The following ISLR2 variants were observed in gnomAD, a reference collection of about 807,000 sequenced individuals.
ISLR2 encodes immunoglobulin superfamily containing leucine rich repeat 2.
In ISLR2, 16 loss-of-function variants were observed where a neutral mutation model predicts 25.5. The observed-to-expected ratio is 0.63, with a 90% CI of 0.43 to 0.95. The LOEUF (loss-of-function observed/expected upper bound fraction) is 0.95. Ranked by LOEUF, ISLR2 falls within the 40% of genes least tolerant of loss-of-function variation. The pLI is 0.00. For synonymous variants in ISLR2, 508 were observed against 486.6 expected, an observed-to-expected ratio of 1.04 and a Z score of -0.58; for missense variants, 883 against 1,030.7, an observed-to-expected ratio of 0.86 and a Z score of 1.96.
intron 1 of ISLR2, among the ~76,000 whole-genome samples, chr15:74,102,815 AT>A (rs929821498): frequency 4.5e-4 from 66 of 146,584 alleles, no homozygotes; most frequent in Middle Eastern, 3.6e-3. Context: ...TCCCAATAGG[AT>A]TTTTTTTTTT....
chr15:74,128,654 A>G (rs1284839913), upstream of ISLR2: 1 of 456,412 alleles, frequency 2.2e-6, no homozygotes, highest in East Asian at 7.0e-5. Flanking sequence ...AAGAAAGAAA[A>G]TAGGTAAAAA....
intron 2 of ISLR2, among the ~76,000 whole-genome samples, chr15:74,109,818 C>G (rs2072151880): frequency 6.6e-6 from 1 of 152,152 alleles, no homozygotes; most frequent in Non-Finnish European, 1.5e-5. Context: ...TTATTTAACG[C>G]AGGGTTTTGC....
At chr15:74,112,606 C>G (rs1212362010) in intron 2 of ISLR2, among the ~76,000 whole-genome samples, 2 of 151,446 alleles carry the variant, frequency 1.3e-5, no homozygotes, top group African/African-American at 4.9e-5. Flanking sequence ...CAGCTCGCTG[C>G]AACCTCCACC....
At chr15:74,128,659 TAA>T (rs1165951550), upstream of ISLR2, 1 of 456,226 alleles carries the variant, frequency 2.2e-6, no homozygotes, top group Non-Finnish European at 4.4e-6. Flanking sequence ...AGAAAATAGG[TAA>T]AAACCGGCGG....
rs550337585 is a variant in ISLR2, at chr15:74,136,255, C to T, written c.*1263C>T. On this transcript the variant is annotated 3_prime_UTR_variant, in exon 3 of 3. Transcript: ENST00000453268. ...CGCCGCTCCCGCGGCTCCACCCGACCCAGACCCTAGCTGGAAAGCGCCGGA... is the reference window on the plus strand; with the variant it reads ...CGCCGCTCCCGCGGCTCCACCCGACTCAGACCCTAGCTGGAAAGCGCCGGA... 12 of 166,632 alleles carry T rather than the reference C, an allele frequency of 7.2e-5. No homozygotes were observed. Among genetic ancestry groups the T allele is most frequent in the African/African-American group, 2.2e-4 (9 of 41,478 alleles). The allele number at this position is 166,632 out of a possible 1,614,324, so 10.3% of individuals were successfully genotyped here. A position where few individuals can be genotyped will look rare whatever the true frequency, so the allele number is the denominator to read the frequency against.
At chr15:74,121,572 T>C (rs2072252886) in intron 2 of ISLR2, among the ~76,000 whole-genome samples, 1 of 151,822 alleles carries the variant, frequency 6.6e-6, no homozygotes. Context: ...AGGAGGGAAA[T>C]TGAGCCCCAC....
At position 74,134,814 on chromosome 15, in the gene ISLR2, G is replaced by A; in HGVS notation, c.2060G>A (p.Ser687Asn). The change falls in exon 3 of 3, where the codon AGT becomes AAT. Residue 687 changes from serine to asparagine, a missense_variant. This residue lies in a region of ISLR2 where 612 missense variants were observed against 642.8 expected (regional missense o/e 0.95). Coordinates refer to ENST00000453268, the MANE Select transcript of ISLR2 (RefSeq NM_020851.3). ...LDEDAEQGDP[S>N]GDLQREESLA... is the part of the protein sequence containing the mutation. ...GAAGACGCGGAGCAGGGAGACCCAA[G>A]TGGGGACCTGCAGAGAGAGGAGAGC... The A allele has an allele frequency of 6.2e-7, 1 of 1,614,146 alleles. No homozygotes were observed. The highest frequency in any genetic ancestry group is 8.5e-7 in the Non-Finnish European group (1 of 1,180,010).
In ISLR2 at chr15:74,133,194, C is replaced by A. The variant is rs202205145; in HGVS notation, c.440C>A (p.Pro147His). ...CCCCGGGACGCACTCGGTGCGCTACCCGACCTGCGTTCCCTGCGCATCAAC... is the reference window on the plus strand; with the variant it reads ...CCCCGGGACGCACTCGGTGCGCTACACGACCTGCGTTCCCTGCGCATCAAC... ...SLPRDALGAL[P>H]DLRSLRINNN... Residue 147 changes from proline to histidine, a missense_variant, in exon 3 of 3, where the codon CCC (proline) becomes CAC (histidine). Physicochemically the swap from Pro to His is moderately conservative, Grantham distance 77. Transcript: ENST00000453268. 6.2e-7 allele frequency: 1 copy of A among 1,613,226 alleles called. No individual in the cohort carries two copies. Among genetic ancestry groups the A allele is most frequent in the Non-Finnish European group, 8.5e-7 (1 of 1,180,008 alleles).
intron 2 of ISLR2, among the ~76,000 whole-genome samples, chr15:74,113,142 C>T (rs1337944626): frequency 6.6e-6 from 1 of 152,220 alleles, no homozygotes; most frequent in South Asian, 2.1e-4. Context: ...CATTAGGGTT[C>T]ACGCTTCTAT....
rs1027017171 is a variant in ISLR2, at chr15:74,135,002, C to T, written c.*10C>T. 1.2e-6 allele frequency: 2 copies of T among 1,607,642 alleles called. No homozygotes were observed. Among genetic ancestry groups the T allele is most frequent in the East Asian group, 2.2e-5 (1 of 44,810 alleles). On this transcript the variant is annotated 3_prime_UTR_variant, in exon 3 of 3. Coordinates refer to ENST00000453268, the MANE Select transcript of ISLR2 (RefSeq NM_020851.3). The stretch of plus-strand genomic sequence containing the variant: ...GCAGACGGCAGGCTGAACCTCCGCC[C>T]GTCCGGCCCGCCCATTCCCGACCTC...
In ISLR2 at chr15:74,134,008, A is replaced by AGGCCAAGGCCT; in HGVS notation, c.1263_1273dup (p.Val425AlafsTer82). 6.2e-7 allele frequency: 1 copy of AGGCCAAGGCCT among 1,612,878 alleles called. No individual in the cohort carries two copies. Among genetic ancestry groups the AGGCCAAGGCCT allele is most frequent in the Non-Finnish European group, 8.5e-7 (1 of 1,179,532 alleles). ...CTTCCAAACCCGAGGGCAAAATCAA[A>AGGCCAAGGCCT]GGCCAAGGCCTGGCCAAGGTCAGCA... On this transcript the variant is annotated frameshift_variant, in exon 3 of 3. Transcript: ENST00000453268. LOFTEE classifies it high-confidence loss of function.
chr15:74,134,772 A>G lies in ISLR2; in HGVS notation c.2018A>G (p.Gln673Arg). 1.2e-6 allele frequency: 2 copies of G among 1,613,958 alleles called. No homozygotes were observed. Among genetic ancestry groups the G allele is most frequent in the South Asian group, 1.1e-5 (1 of 91,070 alleles). Residue 673 changes from glutamine (Q) to arginine (R), a missense_variant, in exon 3 of 3, where the codon CAG becomes CGG. Gln to Arg is a conservative substitution (Grantham distance 43). Coordinates refer to ENST00000453268, the MANE Select transcript of ISLR2 (RefSeq NM_020851.3). ...GGCGGCGAGGAGCCAGAGGACGTGC[A>G]GGGGGAGGGCCTTGATGAAGACGCG... ...EAGGEEPEDV[Q>R]GEGLDEDAEQ...
At chr15:74,122,678 C>G (rs547435414) in intron 2 of ISLR2, among the ~76,000 whole-genome samples, 2 of 152,326 alleles carry the variant, frequency 1.3e-5, no homozygotes, top group African/African-American at 4.8e-5. Context: ...AAGCCACTTT[C>G]AAGAGTAAAT....
chr15:74,113,203 G>C (rs533783323), intron 2 of ISLR2, among the ~76,000 whole-genome samples: 47 of 152,356 alleles, frequency 3.1e-4, no homozygotes, highest in African/African-American at 1.1e-3. Flanking sequence ...AGGCAGTAAT[G>C]CTCGCTGTCC....
rs1266640806 is a variant in ISLR2, at chr15:74,134,017, C to T, written c.1263C>T (p.Gly421=). The change falls in exon 3 of 3, where the codon GGC becomes GGT. Residue 421 remains glycine, a synonymous_variant. Coordinates refer to ENST00000453268, the MANE Select transcript of ISLR2 (RefSeq NM_020851.3). ...CCGAGGGCAAAATCAAAGGCCAAGG[C>T]CTGGCCAAGGTCAGCATTCTCGGGG... ...SKPEGKIKGQ[G]LAKVSILGET... 8.1e-6 allele frequency: 13 copies of T among 1,613,196 alleles called. No homozygotes were observed. Among genetic ancestry groups the T allele is most frequent in the South Asian group, 7.7e-5 (7 of 90,850 alleles).
chr15:74,136,990 A>T (rs74023419), downstream of ISLR2, among the ~76,000 whole-genome samples: 146 of 151,978 alleles, frequency 9.6e-4, no homozygotes, highest in African/African-American at 3.4e-3. Context: ...AGTGTCTCCA[A>T]CTCCAGGGTG....
chr15:74,130,065 G>A (rs1265040531), upstream of ISLR2: 2 of 152,088 alleles, frequency 1.3e-5, no homozygotes, highest in African/African-American at 2.4e-5. Flanking sequence ...TTCAAGCGCT[G>A]GTTTAGCCAC....
intron 2 of ISLR2, among the ~76,000 whole-genome samples, chr15:74,114,113 G>A (rs1405850341): frequency 6.6e-6 from 1 of 152,164 alleles, no homozygotes; most frequent in Non-Finnish European, 1.5e-5. Flanking sequence ...GTCATTGAGG[G>A]TTTAGAAACT....
upstream of ISLR2, among the ~76,000 whole-genome samples, chr15:74,125,196 C>T (rs1339290536): frequency 2.0e-5 from 3 of 152,028 alleles, no homozygotes; most frequent in East Asian, 5.8e-4. Flanking sequence ...TCCCGCCCCC[C>T]TTACTTGTTT....
Sources: allele counts gnomAD v4.1 joint callset (sites outside exome capture counted in the v4.1 genomes callset), GRCh38; gene constraint gnomAD v4.1.1; regional missense constraint gnomAD v4.1.1; transcripts MANE v1.5; gene names NCBI Gene and HGNC (gene_info 2026-07-23, HGNC 2026-07-21).